Variants in MPO observed in about 807,000 individuals in gnomAD.
The protein encoded by MPO is myeloperoxidase.
Under a neutral mutation model 69.4 loss-of-function variants are expected in MPO, and 57 were observed. The ratio of observed to expected loss-of-function variants is 0.82; its 90% CI spans 0.66 to 1.02. The LOEUF (loss-of-function observed/expected upper bound fraction) is 1.02. Among genes scored for constraint, MPO ranks in the 50% least tolerant of loss-of-function variants. The pLI, the probability that MPO is intolerant of heterozygous loss-of-function variation, is 0.00. For synonymous variants in MPO, 426 were observed against 417.1 expected, an observed-to-expected ratio of 1.02 and a Z score of -0.26; for missense variants, 971 against 1,014.1, an observed-to-expected ratio of 0.96 and a Z score of 0.58.
intron 5 of MPO, 25 bp downstream of exon 5, chr17:58,279,272 G>T (rs763701991): frequency 1.3e-6 from 2 of 1,561,346 alleles, no homozygotes; most frequent in South Asian, 1.2e-5. Flanking sequence ...GCCGGGCCTC[G>T]CCCCCTCTGC....
In MPO at chr17:58,275,116, G is replaced by A. The variant is rs201984594; in HGVS notation, c.1365+426C>T. Among the ~76,000 whole-genome samples the A allele has an allele frequency of 9.2e-5, 14 of 152,202 alleles. No homozygotes were observed. The highest frequency in any genetic ancestry group is 3.4e-3 in the Middle Eastern group (1 of 294). On this transcript the variant is annotated intron_variant, in intron 8 of 11. Coordinates refer to ENST00000225275, the MANE Select transcript of MPO (RefSeq NM_000250.2). The surrounding 1 kb of genome is among the most constrained non-coding windows in gnomAD (Gnocchi z 4.1). ...CTGACCTCGTGATCCACCCGCCTCCGCCTCCCAAAGTGCTGGGATTACAGG... is the reference window on the plus strand; with the variant it reads ...CTGACCTCGTGATCCACCCGCCTCCACCTCCCAAAGTGCTGGGATTACAGG...
At position 58,270,913 on chromosome 17, in the gene MPO, G is replaced by A; in HGVS notation, c.2031-50C>T. 6.3e-7 allele frequency: 1 copy of A among 1,597,030 alleles called. No homozygotes were observed. The highest frequency in any genetic ancestry group is 8.6e-7 in the Non-Finnish European group (1 of 1,166,508). On this transcript the variant is annotated intron_variant, in intron 11 of 11. Transcript: ENST00000225275. The surrounding 1 kb of genome is among the most constrained non-coding windows in gnomAD (Gnocchi z 4.1). Reference sequence around the variant, plus strand: ...CTGTGCCCAAGGATATTCTGGGCTGGCAGGGCATCGATGGGCTTGTGCTGC... The same window carrying A: ...CTGTGCCCAAGGATATTCTGGGCTGACAGGGCATCGATGGGCTTGTGCTGC...
At chr17:58,273,725 G>A (rs561032661) in intron 8 of MPO, 56 bp from the exon 9 acceptor site, 109 of 1,612,662 alleles carry the variant, frequency 6.8e-5, no homozygotes, top group South Asian at 1.9e-4. Context: ...AGCAAATGCC[G>A]CCTGGCAGCA....
rs771627439 is a variant in MPO at position 58,278,116 on chromosome 17, G to A, written c.915C>T (p.Asn305=). 2 of 1,604,098 alleles carry A rather than the reference G, an allele frequency of 1.2e-6. No individual in the cohort carries two copies. Among genetic ancestry groups the A allele is most frequent in the South Asian group, 1.1e-5 (1 of 91,080 alleles). Reference sequence around the variant, plus strand: ...GGAAGAACGGGATGCAGTCGGCTTGGTTCTTGATGCGGGGGTCATTGGGCG... The same window carrying A: ...GGAAGAACGGGATGCAGTCGGCTTGATTCTTGATGCGGGGGTCATTGGGCG... ...KIPPNDPRIK[N]QADCIPFFRS... The change falls in exon 7 of 12, where the codon AAC becomes AAT. Residue 305 remains asparagine (N), a synonymous_variant. Transcript: ENST00000225275.
intron 11 of MPO, 85 bp downstream of exon 11, chr17:58,271,570 A>G: frequency 3.7e-6 from 5 of 1,363,764 alleles, no homozygotes; most frequent in Non-Finnish European, 5.2e-6. Flanking sequence ...CAGTCCTTCA[A>G]CTGACAGGAG....
Position 58,271,902 on chromosome 17 carries a change from G to T in MPO, c.1793-10C>A. On this transcript the variant is annotated splice_polypyrimidine_tract_variant and intron_variant, in intron 10 of 11. Coordinates refer to ENST00000225275, the MANE Select transcript of MPO (RefSeq NM_000250.2). Reference sequence around the variant, plus strand: ...CTCCAGGCATTGTATCCTGCATGGGGGAGGGGACAGGTGGCTATGGGCAGG... The same window carrying T: ...CTCCAGGCATTGTATCCTGCATGGGTGAGGGGACAGGTGGCTATGGGCAGG... The T allele has an allele frequency of 6.2e-7, 1 of 1,613,526 alleles. No homozygotes were observed. Among genetic ancestry groups the T allele is most frequent in the Non-Finnish European group, 8.5e-7 (1 of 1,179,790 alleles).
At position 58,279,930 on chromosome 17, in the gene MPO, C is replaced by G. The variant is rs776466345; in HGVS notation, c.333G>C (p.Thr111=). The G allele has an allele frequency of 6.2e-7, 1 of 1,613,962 alleles. No homozygotes were observed. The highest frequency in any genetic ancestry group is 8.5e-7 in the Non-Finnish European group (1 of 1,180,024). The change falls in exon 3 of 12, where the codon ACG becomes ACC. Residue 111 remains threonine (T), a synonymous_variant. Transcript: ENST00000225275. ...YFKQPVAATR[T]AVRAADYLHV... ...GCAGGTAGTCAGCGGCCCTCACCGCCGTCCTGGTGGCTGCCACCGGCTGCT... is the reference window on the plus strand; with the variant it reads ...GCAGGTAGTCAGCGGCCCTCACCGCGGTCCTGGTGGCTGCCACCGGCTGCT...
chr17:58,272,959 C>T, intron 9 of MPO, 41 bp from the exon 10 acceptor site: 1 of 1,610,820 alleles, frequency 6.2e-7, no homozygotes, highest in Non-Finnish European at 8.5e-7. Context: ...GTATCTGGCT[C>T]AGTATCAGAG....
In MPO at chr17:58,275,356, G is replaced by C. The variant is rs1247077225; in HGVS notation, c.1365+186C>G. Among the ~76,000 whole-genome samples, 9 of 152,194 alleles carry C rather than the reference G, an allele frequency of 5.9e-5. No homozygotes were observed. The highest frequency in any genetic ancestry group is 5.9e-4 in the Admixed American group (9 of 15,280). On this transcript the variant is annotated intron_variant, in intron 8 of 11. Transcript: ENST00000225275. This position sits in a 1 kb window ranked among gnomAD's most constrained non-coding sequence, Gnocchi z 4.1. ...CAAACCTGCGAAGAAGGAGAGGGAA[G>C]GGAAGGAGGCTTTGTCAAGCACTTA...
At chr17:58,274,400 GCC>G (rs1334839755) in intron 8 of MPO, among the ~76,000 whole-genome samples, 88 of 151,602 alleles carry the variant, frequency 5.8e-4, no homozygotes, top group African/African-American at 2.1e-3. Flanking sequence ...GTGTATGTCT[GCC>G]TCTGCCTCTG....
chr17:58,273,713 A>G, intron 8 of MPO, 44 bp from the exon 9 acceptor site: 2 of 1,613,900 alleles, frequency 1.2e-6, no homozygotes, highest in Non-Finnish European at 1.7e-6. Context: ...CCACTCCTCC[A>G]CAGCAAATGC....
chr17:58,271,263 A>T (rs1239427495), intron 11 of MPO, among the ~76,000 whole-genome samples: 1 of 152,146 alleles, frequency 6.6e-6, no homozygotes, highest in African/African-American at 2.4e-5. Context: ...CCAAAGGTGC[A>T]GTACAGGCTA....
At position 58,279,965 on chromosome 17, in the gene MPO, A is replaced by T; in HGVS notation, c.298T>A (p.Ser100Thr). Residue 100 changes from serine to threonine, a missense_variant, in exon 3 of 12, where the codon TCC becomes ACC. Ser to Thr is a moderately conservative substitution (Grantham distance 58, BLOSUM62 1). Transcript: ENST00000225275. ...SGSASPMELL[S>T]YFKQPVAATR... ...GCTGCCACCGGCTGCTTGAAGTAGG[A>T]TAGGAGTTCCATGGGGCTGGCTGAG... 6.2e-7 allele frequency: 1 copy of T among 1,613,514 alleles called. No individual in the cohort carries two copies. Among genetic ancestry groups the T allele is most frequent in the Non-Finnish European group, 8.5e-7 (1 of 1,179,980 alleles).
At position 58,270,384 on chromosome 17, in the gene MPO, TACTC is replaced by T; in HGVS notation, c.*268_*271del. 2.1e-6 allele frequency: 1 copy of T among 472,102 alleles called. No individual in the cohort carries two copies. The highest frequency in any genetic ancestry group is 4.0e-6 in the Non-Finnish European group (1 of 253,140). The allele number at this position is 472,102 out of a possible 1,614,324, so 29.2% of individuals were successfully genotyped here. ...CCAGTCCGCTCTGCTGCCTTCCACA[TACTC>T]AGTATTCTCATCAGCACAAACACAC... is the stretch of plus-strand genomic sequence containing the variant. On this transcript the variant is annotated 3_prime_UTR_variant, in exon 12 of 12. Coordinates refer to ENST00000225275, the MANE Select transcript of MPO (RefSeq NM_000250.2). The surrounding 1 kb of genome is among the most constrained non-coding windows in gnomAD (Gnocchi z 4.1).
chr17:58,276,746 C>T (rs1455624457), intron 7 of MPO, among the ~76,000 whole-genome samples: 1 of 152,158 alleles, frequency 6.6e-6, no homozygotes, highest in African/African-American at 2.4e-5. Flanking sequence ...CCAGCAGGAA[C>T]CATCAGGAGG....
chr17:58,273,724 C>T (rs973624245), intron 8 of MPO, 55 bp from the exon 9 acceptor site: 54 of 1,613,110 alleles, frequency 3.3e-5, no homozygotes, highest in Non-Finnish European at 4.2e-5. Flanking sequence ...CAGCAAATGC[C>T]GCCTGGCAGC....
At chr17:58,278,649 A>G (rs1274654126) in intron 6 of MPO, among the ~76,000 whole-genome samples, 1 of 152,074 alleles carries the variant, frequency 6.6e-6, no homozygotes, top group Non-Finnish European at 1.5e-5. Flanking sequence ...CGGAAACAGG[A>G]CTGAGCATGG....
At chr17:58,272,599 G>T in intron 10 of MPO, 149 bp downstream of exon 10, 1 of 843,698 alleles carries the variant, frequency 1.2e-6, no homozygotes, top group Non-Finnish European at 1.8e-6. Flanking sequence ...AAAGGCAGGG[G>T]CCTGGCCTCA....
In MPO at chr17:58,277,902, G is replaced by T; in HGVS notation, c.1129C>A (p.Leu377Met). ...QRFQDNGRAL[L>M]PFDNLHDDPC... ...TCATCGTGCAGGTTGTCAAAGGGCAGCAGGGCCCGGCCGTTGTCTTGGAAG... is the reference window on the plus strand; with the variant it reads ...TCATCGTGCAGGTTGTCAAAGGGCATCAGGGCCCGGCCGTTGTCTTGGAAG... The change falls in exon 7 of 12, where the codon CTG (leucine) becomes ATG (methionine). Residue 377 changes from leucine to methionine, a missense_variant. Physicochemically the swap from Leu to Met is conservative, Grantham distance 15 (BLOSUM62 2). Coordinates refer to ENST00000225275, the MANE Select transcript of MPO (RefSeq NM_000250.2). 6.2e-7 allele frequency: 1 copy of T among 1,611,452 alleles called. No homozygotes were observed. The highest frequency in any genetic ancestry group is 2.2e-5 in the East Asian group (1 of 44,880).
Sources: allele counts gnomAD v4.1 joint callset (sites outside exome capture counted in the v4.1 genomes callset), GRCh38; gene constraint gnomAD v4.1.1; non-coding constraint Gnocchi (gnomAD v3.1); transcripts MANE v1.5; gene names NCBI Gene and HGNC (gene_info 2026-07-23, HGNC 2026-07-21).